LRCH1: variants seen among roughly 807,000 people sequenced by gnomAD.
LRCH1 encodes leucine-rich repeat and calponin homology domain-containing protein 1.
LRCH1 carries 23 observed loss-of-function variants against 94.9 expected under a neutral mutation model. The ratio of observed to expected loss-of-function variants is 0.24; its 90% confidence interval spans 0.17 to 0.34. The LOEUF is 0.34. LRCH1 is among the 10% of genes least tolerant of loss of function. The probability of loss-of-function intolerance (pLI) is 1.00; values close to 1 mark genes in which losing one functional copy is unlikely to be tolerated. For synonymous variants in LRCH1, 364 were observed against 354.9 expected (o/e 1.03, Z -0.29); for missense variants, 790 against 945.9 (o/e 0.84, Z 2.16).
intron 1 of LRCH1, among the ~76,000 whole-genome samples, chr13:46,643,128 C>G (rs1247569542): frequency 6.6e-6 from 1 of 152,222 alleles, no homozygotes; most frequent in Non-Finnish European, 1.5e-5. Flanking sequence ...CCCTACTGTA[C>G]CTTTTCACAG....
chr13:46,673,867 G>A (rs1323856550), intron 3 of LRCH1, among the ~76,000 whole-genome samples: 4 of 149,930 alleles, frequency 2.7e-5, no homozygotes, highest in Admixed American at 1.3e-4. Context: ...TGCAGGCTCC[G>A]CCTCCCAGGT....
intron 19 of LRCH1, among the ~76,000 whole-genome samples, chr13:46,739,031 A>G (rs1439162460): frequency 1.3e-5 from 2 of 152,246 alleles, no homozygotes; most frequent in African/African-American, 4.8e-5. Context: ...TTTAGATTAA[A>G]AAATACTTTG....
chr13:46,729,414 A>G (rs555822854), intron 18 of LRCH1, among the ~76,000 whole-genome samples: 1 of 152,028 alleles, frequency 6.6e-6, no homozygotes, highest in Non-Finnish European at 1.5e-5. Context: ...TTAGCTGGCT[A>G]TGGTGGCACG....
chr13:46,725,408 T>G (rs1872762881), intron 17 of LRCH1, among the ~76,000 whole-genome samples: 1 of 152,238 alleles, frequency 6.6e-6, no homozygotes, highest in Non-Finnish European at 1.5e-5. Flanking sequence ...ATGTTAAATC[T>G]TCTTTCATCA....
intron 2 of LRCH1, among the ~76,000 whole-genome samples, chr13:46,662,481 T>G (rs1005440806): frequency 6.6e-6 from 1 of 152,220 alleles, no homozygotes; most frequent in Admixed American, 6.5e-5. Flanking sequence ...AGTTCACTTA[T>G]TTTGAAAGCT....
At chr13:46,563,753 A>C (rs1427996829) in intron 1 of LRCH1, among the ~76,000 whole-genome samples, 1 of 152,206 alleles carries the variant, frequency 6.6e-6, no homozygotes, top group Non-Finnish European at 1.5e-5. Flanking sequence ...GGAGATTAGA[A>C]ATGTAGAAAC....
chr13:46,606,690 G>A (rs1021523956), intron 1 of LRCH1, among the ~76,000 whole-genome samples: 1 of 152,118 alleles, frequency 6.6e-6, no homozygotes, highest in African/African-American at 2.4e-5. Context: ...TCCCGCCTCA[G>A]CCTCCTGAGT....
intron 1 of LRCH1, among the ~76,000 whole-genome samples, chr13:46,628,873 C>G (rs545494980): frequency 7.2e-5 from 11 of 152,260 alleles, no homozygotes; most frequent in African/African-American, 2.6e-4. Flanking sequence ...TCTGCTATGA[C>G]CAGTCAAATT....
At chr13:46,646,328 G>T (rs1262540826) in intron 1 of LRCH1, among the ~76,000 whole-genome samples, 2 of 152,038 alleles carry the variant, frequency 1.3e-5, no homozygotes, top group Non-Finnish European at 2.9e-5. Flanking sequence ...TATATATTAT[G>T]TATCACAATG....
intron 7 of LRCH1, among the ~76,000 whole-genome samples, chr13:46,689,458 C>T (rs1449018906): frequency 5.3e-5 from 8 of 152,102 alleles, no homozygotes; most frequent in South Asian, 2.1e-4. Context: ...CTCTCCTACA[C>T]ATTATCTAAA....
At chr13:46,619,346 A>C (rs111917146) in intron 1 of LRCH1, among the ~76,000 whole-genome samples, 5,598 of 152,076 alleles carry the variant, frequency 0.037, 335 homozygotes, top group African/African-American at 0.13. Context: ...CTTGGCCTCA[A>C]GTGATCCGCC....
chr13:46,553,241 C>CCCCAAAAA lies in LRCH1; in HGVS notation c.-155_-154insCCAAAAAC. 1.8e-6 allele frequency: 1 copy of CCCCAAAAA among 571,090 alleles called. No individual in the cohort carries two copies. The highest frequency in any genetic ancestry group is 3.3e-5 in the East Asian group (1 of 30,672). 35.4% of individuals were successfully genotyped at this position (571,090 alleles called of 1,614,324 possible). On this transcript the variant is annotated 5_prime_UTR_variant, in exon 1 of 20. Transcript: ENST00000389797. The stretch of plus-strand genomic sequence containing the variant: ...CCACGGCCGCCTCCCCGCCCGCCCC[C>CCCCAAAAA]CATTCTACGCGCCTGCCCACACCCT...
intron 1 of LRCH1, among the ~76,000 whole-genome samples, chr13:46,587,400 A>G (rs1253901908): frequency 6.6e-6 from 1 of 152,246 alleles, no homozygotes; most frequent in Non-Finnish European, 1.5e-5. Context: ...GATTTTTGGC[A>G]CTGACAAATT....
intron 1 of LRCH1, among the ~76,000 whole-genome samples, chr13:46,594,149 T>C (rs1212746693): frequency 6.6e-6 from 1 of 152,046 alleles, no homozygotes; most frequent in East Asian, 1.9e-4. Context: ...GCCTAGGCAG[T>C]CTGAGTCCCG....
chr13:46,634,207 C>G (rs929120080), intron 1 of LRCH1, among the ~76,000 whole-genome samples: 2 of 152,158 alleles, frequency 1.3e-5, no homozygotes, highest in Non-Finnish European at 2.9e-5. Flanking sequence ...GCATCTAGCA[C>G]GTTTCCAGTC....
Position 46,743,045 on chromosome 13 carries a change from T to G in LRCH1, c.*1197T>G, listed in dbSNP as rs1187448561. On this transcript the variant is annotated 3_prime_UTR_variant, in exon 20 of 20. Coordinates refer to ENST00000389797, the MANE Select transcript of LRCH1 (RefSeq NM_001164211.2). The stretch of plus-strand genomic sequence containing the variant: ...GAATGTCCCTGGATTCAGGGGTGTC[T>G]TTGTATAATATGAGAGGGCCTTGTT... The G allele has an allele frequency of 2.0e-6, 2 of 985,308 alleles. No homozygotes were observed. Among genetic ancestry groups the G allele is most frequent in the Admixed American group, 1.2e-4 (2 of 16,274 alleles). The allele number at this position is 985,308 out of a possible 1,614,324, so 61.0% of individuals were successfully genotyped here.
chr13:46,668,960 A>G lies in LRCH1; in HGVS notation c.453-70A>G, dbSNP rs1335611341. 4.0e-6 allele frequency: 6 copies of G among 1,517,640 alleles called. No homozygotes were observed. In the Admixed American group the frequency reaches 1.1e-4, roughly 28 times the overall value. The allele number at this position is 1,517,640 out of a possible 1,614,324, so 94.0% of individuals were successfully genotyped here. A position where few individuals can be genotyped will look rare whatever the true frequency, so the allele number is the denominator to read the frequency against. On this transcript the variant is annotated intron_variant, in intron 2 of 19. Coordinates refer to ENST00000389797, the MANE Select transcript of LRCH1 (RefSeq NM_001164211.2). The stretch of plus-strand genomic sequence containing the variant: ...ATCACTCCTTTTTCCTTTCTTGTTA[A>G]AAACAGGTTCACAGACAGTATGAAG...
chr13:46,743,616 C>T lies in LRCH1; in HGVS notation c.*1768C>T. 1.0e-6 allele frequency: 1 copy of T among 985,418 alleles called. No individual in the cohort carries two copies. Among genetic ancestry groups the T allele is most frequent in the Non-Finnish European group, 1.2e-6 (1 of 829,886 alleles). The allele number at this position is 985,418 out of a possible 1,614,324, so 61.0% of individuals were successfully genotyped here. ...TGATTATTCCAAGTTTTTATCAGCC[C>T]ATTGATACATGTATTCATGAGCTCT... On this transcript the variant is annotated 3_prime_UTR_variant, in exon 20 of 20. Transcript: ENST00000389797.
intron 1 of LRCH1, among the ~76,000 whole-genome samples, chr13:46,599,925 T>C (rs1357424300): frequency 1.3e-5 from 2 of 152,248 alleles, no homozygotes; most frequent in East Asian, 3.8e-4. Flanking sequence ...GTTAACTCTT[T>C]AGCCCTTTCA....
Sources: gnomAD v4.1 joint callset for allele counts (sites outside exome capture counted in the v4.1 genomes callset) on GRCh38, gnomAD v4.1.1 for gene constraint, MANE v1.5 for transcripts, NCBI Gene and HGNC (gene_info 2026-07-23, HGNC 2026-07-21) for gene names.